Variants in GRID2 observed in about 807,000 individuals in gnomAD.
The protein encoded by GRID2 is glutamate receptor ionotropic, delta-2.
In GRID2, 33 loss-of-function variants were observed where a neutral mutation model predicts 114.8. That is an observed-to-expected ratio of 0.29 (90% CI 0.22 to 0.38). The LOEUF is 0.38. Among genes scored for constraint, GRID2 ranks in the 10% least tolerant of loss-of-function variants. The probability of loss-of-function intolerance (pLI) is 1.00; values close to 1 mark genes in which losing one functional copy is unlikely to be tolerated. For synonymous variants in GRID2, 505 were observed against 449.9 expected (o/e 1.12, Z -1.55); for missense variants, 1,184 against 1,257.7 (o/e 0.94, Z 0.89).
chr4:93,294,640 C>T (rs947462326), intron 8 of GRID2, among the ~76,000 whole-genome samples: 1 of 151,668 alleles, frequency 6.6e-6, no homozygotes, highest in Non-Finnish European at 1.5e-5. Context: ...CTCACTGTAA[C>T]CTCCACCTCT....
intron 2 of GRID2, among the ~76,000 whole-genome samples, chr4:92,864,936 T>C (rs1428646284): frequency 6.6e-6 from 1 of 152,220 alleles, no homozygotes; most frequent in East Asian, 1.9e-4. Flanking sequence ...CCAAAATTTA[T>C]TTGATACAGC....
In GRID2 at chr4:93,464,653, A is replaced by T. The variant is rs1264927500; in HGVS notation, c.1858+8679A>T. Among the ~76,000 whole-genome samples the T allele has an allele frequency of 2.0e-5, 3 of 152,292 alleles. No individual in the cohort carries two copies. The East Asian group carries it at 5.8e-4, about 29-fold the overall frequency. ...ATTATGTATCTCATTATATATATCA[A>T]TGTCACTAGTGAACTACATTTTTAT... On this transcript the variant is annotated intron_variant, in intron 11 of 15. Transcript: ENST00000282020.
At chr4:92,569,180 T>G (rs1312400659) in intron 1 of GRID2, among the ~76,000 whole-genome samples, 1 of 152,000 alleles carries the variant, frequency 6.6e-6, no homozygotes, top group African/African-American at 2.4e-5. Flanking sequence ...TGTCCATGTG[T>G]TCTTATCATT....
chr4:93,126,584 CTTTTTTTTTTTTTTT>C lies in GRID2; in HGVS notation c.735+15648_735+15662del, dbSNP rs60017147. Among the ~76,000 whole-genome samples the C allele has an allele frequency of 1.3e-3, 71 of 52,752 alleles. 1 individual carries two copies. Among genetic ancestry groups the C allele is most frequent in the African/African-American group, 5.0e-3 (64 of 12,738 alleles). 34.6% of individuals were successfully genotyped at this position (52,752 alleles called of 152,430 possible). ...GACAGTCATTGATAACTATTTAATTCTTTTTTTTTTTTTTTTTTTTTTTTTTTTTTTGAGACGGAG... is the reference window on the plus strand; with the variant it reads ...GACAGTCATTGATAACTATTTAATTCTTTTTTTTTTTTTTTTGAGACGGAG... On this transcript the variant is annotated intron_variant, in intron 4 of 15. Coordinates refer to ENST00000282020, the MANE Select transcript of GRID2 (RefSeq NM_001510.4).
At chr4:92,810,376 G>A (rs1468601591) in intron 2 of GRID2, among the ~76,000 whole-genome samples, 1 of 151,888 alleles carries the variant, frequency 6.6e-6, no homozygotes, top group Non-Finnish European at 1.5e-5. Context: ...AATTGGCATA[G>A]TGTGTGCTAC....
chr4:92,812,875 G>C (rs1183518590), intron 2 of GRID2, among the ~76,000 whole-genome samples: 1 of 152,104 alleles, frequency 6.6e-6, no homozygotes, highest in East Asian at 1.9e-4. Flanking sequence ...GTGTCTGACA[G>C]TTCAGTCTCA....
At chr4:93,328,091 C>T (rs919975225) in intron 8 of GRID2, among the ~76,000 whole-genome samples, 2 of 151,624 alleles carry the variant, frequency 1.3e-5, no homozygotes, top group Non-Finnish European at 2.9e-5. Flanking sequence ...GCACTCCAGC[C>T]TGGGTGAACG....
intron 2 of GRID2, among the ~76,000 whole-genome samples, chr4:92,666,412 A>G (rs1732779735): frequency 6.6e-6 from 1 of 151,448 alleles, no homozygotes; most frequent in East Asian, 1.9e-4. Flanking sequence ...CTCAAGGACA[A>G]TTTCTGTTGG....
intron 8 of GRID2, among the ~76,000 whole-genome samples, chr4:93,309,894 G>A (rs1334187347): frequency 6.6e-6 from 1 of 152,040 alleles, no homozygotes; most frequent in East Asian, 1.9e-4. Context: ...CAATTATTGT[G>A]GTGTAATGAT....
At chr4:93,221,879 A>G (rs1037228708) in intron 6 of GRID2, among the ~76,000 whole-genome samples, 2 of 152,158 alleles carry the variant, frequency 1.3e-5, no homozygotes, top group Admixed American at 1.3e-4. Flanking sequence ...TGTAACAGGT[A>G]CGAAGCACTC....
At chr4:92,462,559 T>C (rs1721550665) in intron 1 of GRID2, among the ~76,000 whole-genome samples, 2 of 151,966 alleles carry the variant, frequency 1.3e-5, no homozygotes, top group South Asian at 4.1e-4. Flanking sequence ...TTGTTTTTGT[T>C]TTCTGACAAC....
chr4:93,358,559 A>G (rs1761565889), intron 8 of GRID2, among the ~76,000 whole-genome samples: 1 of 152,010 alleles, frequency 6.6e-6, no homozygotes, highest in Non-Finnish European at 1.5e-5. Context: ...GGGAAAATTC[A>G]CATTATCTGA....
intron 1 of GRID2, among the ~76,000 whole-genome samples, chr4:92,364,246 T>C (rs1175468336): frequency 6.6e-6 from 1 of 152,092 alleles, no homozygotes; most frequent in Non-Finnish European, 1.5e-5. Context: ...GCATGCTAAA[T>C]GTATGTTTAA....
chr4:93,530,439 C>T lies in GRID2; in HGVS notation c.2193+15028C>T, dbSNP rs73839565. ...CATACATTACTATCAAACCAAGTTGCTGGCTTTGTCTTATACTCTGCAATG... is the reference window on the plus strand; with the variant it reads ...CATACATTACTATCAAACCAAGTTGTTGGCTTTGTCTTATACTCTGCAATG... On this transcript the variant is annotated intron_variant, in intron 13 of 15. Transcript: ENST00000282020. Among the ~76,000 whole-genome samples the T allele has an allele frequency of 4.9e-3, 753 of 152,242 alleles. 7 individuals carry two copies. Among genetic ancestry groups the T allele is most frequent in the African/African-American group, 0.017 (725 of 41,554 alleles).
At chr4:93,468,503 A>G (rs911032678) in intron 11 of GRID2, among the ~76,000 whole-genome samples, 8 of 152,192 alleles carry the variant, frequency 5.3e-5, no homozygotes, top group African/African-American at 1.9e-4. Context: ...CCTCTTTGAG[A>G]ATTTGATGTT....
At chr4:92,348,725 C>T (rs907520248) in intron 1 of GRID2, among the ~76,000 whole-genome samples, 4 of 152,080 alleles carry the variant, frequency 2.6e-5, no homozygotes, top group Non-Finnish European at 4.4e-5. Context: ...GGTATTAAGA[C>T]ATAGTTTATG....
chr4:92,910,166 A>G (rs571264969), intron 2 of GRID2, among the ~76,000 whole-genome samples: 15 of 152,168 alleles, frequency 9.9e-5, no homozygotes, highest in Non-Finnish European at 1.8e-4. Flanking sequence ...GATGACCAGA[A>G]TTGAGCAATA....
intron 2 of GRID2, among the ~76,000 whole-genome samples, chr4:92,727,224 C>T (rs950092279): frequency 8.6e-5 from 13 of 151,792 alleles, no homozygotes; most frequent in Admixed American, 7.9e-4. Flanking sequence ...AAAAAAAGTT[C>T]GTATACAATA....
chr4:93,687,028 A>G (rs980879534), intron 14 of GRID2, among the ~76,000 whole-genome samples: 5 of 152,018 alleles, frequency 3.3e-5, no homozygotes, highest in Non-Finnish European at 7.4e-5. Context: ...GGAGGCTACT[A>G]TGGAAATCCA....
Sources: allele counts gnomAD v4.1 joint callset (sites outside exome capture counted in the v4.1 genomes callset), GRCh38; gene constraint gnomAD v4.1.1; transcripts MANE v1.5; gene names NCBI Gene and HGNC (gene_info 2026-07-23, HGNC 2026-07-21).